The following WASF2 variants were observed in gnomAD, a reference collection of about 807,000 sequenced individuals.
WASF2 encodes the protein WASP family member 2.
WASF2 carries 14 observed loss-of-function variants against 45.0 expected under a neutral mutation model. The observed-to-expected ratio is 0.31, with a 90% confidence interval of 0.21 to 0.49. The LOEUF (loss-of-function observed/expected upper bound fraction) is 0.49. WASF2 is among the 20% of genes least tolerant of loss of function. WASF2 has a pLI of 0.99. For missense variants in WASF2, 439 were observed against 636.1 expected, an observed-to-expected ratio of 0.69 and a Z score of 3.33; for synonymous variants, 200 against 236.3, an observed-to-expected ratio of 0.85 and a Z score of 1.41.
At chr1:27,465,528 T>A (rs1421143737) in intron 1 of WASF2, among the ~76,000 whole-genome samples, 1 of 152,118 alleles carries the variant, frequency 6.6e-6, no homozygotes, top group East Asian at 1.9e-4. Flanking sequence ...TTAGCCCAAA[T>A]TAATGAGGTT....
In WASF2 at chr1:27,472,238, T is replaced by C. The variant is rs1480894647; in HGVS notation, c.-44+17748A>G. 2.7e-5 allele frequency among the ~76,000 whole-genome samples: 4 copies of C among 150,444 alleles called. No individual in the cohort carries two copies. The East Asian group carries it at 7.8e-4, about 29-fold the overall frequency. ...CCCATCTACTCGAGAGGCAGGAGAA[T>C]TGCTTCAGCCCAGGAGACTGATGTG... On this transcript the variant is annotated intron_variant, in intron 1 of 8. Transcript: ENST00000618852.
intron 1 of WASF2, among the ~76,000 whole-genome samples, chr1:27,442,977 C>G (rs1284060119): frequency 1.6e-5 from 2 of 122,460 alleles, no homozygotes; most frequent in African/African-American, 6.4e-5. Context: ...GGAAACAGAG[C>G]GAGACTCTGT....
chr1:27,414,969 A>G lies in WASF2; in HGVS notation c.538-6T>C, dbSNP rs370707998. On this transcript the variant is annotated splice_region_variant and splice_polypyrimidine_tract_variant and intron_variant, in intron 5 of 8. Coordinates refer to ENST00000618852, the MANE Select transcript of WASF2 (RefSeq NM_006990.5). This position sits in a 1 kb window ranked among gnomAD's most constrained non-coding sequence, Gnocchi z 4.1. ...GGATTATCTTTCTTTTCTTTCTATAATGAAAAGGAACAGGAAGGTCTTTGT... is the reference window on the plus strand; with the variant it reads ...GGATTATCTTTCTTTTCTTTCTATAGTGAAAAGGAACAGGAAGGTCTTTGT... 4.5e-5 allele frequency: 73 copies of G among 1,613,820 alleles called. No individual in the cohort carries two copies. The highest frequency in any genetic ancestry group is 6.1e-5 in the Non-Finnish European group (72 of 1,179,930).
chr1:27,439,793 G>A (rs2017183412), intron 1 of WASF2, among the ~76,000 whole-genome samples: 1 of 151,652 alleles, frequency 6.6e-6, no homozygotes, highest in African/African-American at 2.4e-5. Context: ...CAGCCTAGGA[G>A]GTCAAGATTA....
chr1:27,445,256 A>G (rs2017296199), intron 1 of WASF2, among the ~76,000 whole-genome samples: 1 of 152,182 alleles, frequency 6.6e-6, no homozygotes, highest in South Asian at 2.1e-4. Flanking sequence ...CAAGGTAAGT[A>G]GTAATATTTT....
chr1:27,475,468 A>G (rs2017753379), intron 1 of WASF2, among the ~76,000 whole-genome samples: 1 of 151,988 alleles, frequency 6.6e-6, no homozygotes, highest in Non-Finnish European at 1.5e-5. Flanking sequence ...TCGTTTCTCT[A>G]TTTCAATGGT....
intron 1 of WASF2, among the ~76,000 whole-genome samples, chr1:27,481,725 AAAAAAAG>A (rs544974549): frequency 6.6e-5 from 10 of 152,232 alleles, no homozygotes; most frequent in South Asian, 6.2e-4. Flanking sequence ...CTCCATCTCA[AAAAAAAG>A]AAAAAAGAAA....
chr1:27,470,603 G>C (rs918999615), intron 1 of WASF2, among the ~76,000 whole-genome samples: 3 of 149,026 alleles, frequency 2.0e-5, no homozygotes, highest in Non-Finnish European at 4.4e-5. Context: ...ATGACTGACT[G>C]ACTGAATAAA....
chr1:27,459,625 T>C (rs1270187914), intron 1 of WASF2: 2 of 152,172 alleles, frequency 1.3e-5, no homozygotes, highest in Non-Finnish European at 2.9e-5. Context: ...ACTATAAAAG[T>C]ACATCTCATA....
Position 27,419,085 on chromosome 1 carries a change from T to C in WASF2, c.134A>G (p.Lys45Arg), listed in dbSNP as rs201017451. 7.4e-6 allele frequency: 12 copies of C among 1,613,488 alleles called. No homozygotes were observed. Among genetic ancestry groups the C allele is most frequent in the Non-Finnish European group, 1.0e-5 (12 of 1,179,580 alleles). ...NVIRQLGSLS[K>R]YAEDIFGELF... ...CTCTCCAAAAATGTCCTCTGCATAT[T>C]TACCTGGAAAGAGCAAAGAAACCAA... Residue 45 changes from lysine to arginine, a missense_variant, in exon 3 of 9, where the codon AAA (lysine) becomes AGA (arginine). Lys to Arg is a conservative substitution (Grantham distance 26, BLOSUM62 2). Coordinates refer to ENST00000618852, the MANE Select transcript of WASF2 (RefSeq NM_006990.5).
In WASF2 at chr1:27,412,077, G is replaced by A. The variant is rs185438050; in HGVS notation, c.824+495C>T. Among the ~76,000 whole-genome samples the A allele has an allele frequency of 3.4e-3, 512 of 152,274 alleles. 3 individuals carry two copies. Among genetic ancestry groups the A allele is most frequent in the Non-Finnish European group, 3.6e-3 (242 of 68,022 alleles). ...CTCAGTTTACTCATTGTAACATGGG[G>A]ATAGTAACAGTGCCTACCTCAAAAG... On this transcript the variant is annotated intron_variant, in intron 7 of 8. Transcript: ENST00000618852.
chr1:27,471,850 C>A (rs1390022552), intron 1 of WASF2, among the ~76,000 whole-genome samples: 1 of 152,128 alleles, frequency 6.6e-6, no homozygotes, highest in African/African-American at 2.4e-5. Flanking sequence ...CATCAACAAG[C>A]CTTATCAGCT....
Position 27,419,408 on chromosome 1 carries a change from T to C in WASF2, c.131-320A>G, listed in dbSNP as rs148133841. On this transcript the variant is annotated intron_variant, in intron 2 of 8. Transcript: ENST00000618852. ...AGCCTGGAAGAAAAGATAATATTTC[T>C]ACACATTTCCAGCCTGGGCAACATG... Among the ~76,000 whole-genome samples, 60 of 152,312 alleles carry C rather than the reference T, an allele frequency of 3.9e-4. No homozygotes were observed. The East Asian group carries it at 7.1e-3, about 18-fold the overall frequency.
intron 1 of WASF2, among the ~76,000 whole-genome samples, chr1:27,451,052 G>GA (rs939560148): frequency 1.9e-3 from 275 of 143,186 alleles, no homozygotes; most frequent in African/African-American, 4.3e-3. Context: ...CTCTTAAAAA[G>GA]AAAAAAAAAA....
intron 6 of WASF2, among the ~76,000 whole-genome samples, chr1:27,413,145 GATTTTGAGGTCAGCA>G (rs2016786346): frequency 6.6e-6 from 1 of 152,206 alleles, no homozygotes; most frequent in Admixed American, 6.5e-5. Flanking sequence ...CACACAGACT[GATTTTGAGGTCAGCA>G]AGCCTCTGGA....
In WASF2 at chr1:27,412,388, A is replaced by T. The variant is rs1360549734; in HGVS notation, c.824+184T>A. Reference sequence around the variant, plus strand: ...TGCTTGGCTAATTTTTTTGATTTTTAGTAGGGATGAAGTCTTGCTATGTTA... The same window carrying T: ...TGCTTGGCTAATTTTTTTGATTTTTTGTAGGGATGAAGTCTTGCTATGTTA... On this transcript the variant is annotated intron_variant, in intron 7 of 8. Coordinates refer to ENST00000618852, the MANE Select transcript of WASF2 (RefSeq NM_006990.5). Among the ~76,000 whole-genome samples, 3 of 151,986 alleles carry T rather than the reference A, an allele frequency of 2.0e-5. No homozygotes were observed. In the East Asian group the frequency reaches 5.8e-4, roughly 29 times the overall value.
intron 1 of WASF2, among the ~76,000 whole-genome samples, chr1:27,484,502 T>C (rs1288650256): frequency 6.6e-6 from 1 of 152,198 alleles, no homozygotes; most frequent in East Asian, 1.9e-4. Flanking sequence ...TGACAGTTTT[T>C]ACCTCATTCT....
At chr1:27,413,211 C>T (rs2016787955) in intron 6 of WASF2, among the ~76,000 whole-genome samples, 1 of 152,144 alleles carries the variant, frequency 6.6e-6, no homozygotes, top group Non-Finnish European at 1.5e-5. Context: ...CAAAATCAAG[C>T]TGAGGATGAA....
chr1:27,414,983 G>C lies in WASF2; in HGVS notation c.538-20C>G. ...TTCTTTCTATAATGAAAAGGAACAG[G>C]AAGGTCTTTGTAGAACATTTTCCAA... On this transcript the variant is annotated intron_variant, in intron 5 of 8. Coordinates refer to ENST00000618852, the MANE Select transcript of WASF2 (RefSeq NM_006990.5). This position sits in a 1 kb window ranked among gnomAD's most constrained non-coding sequence, Gnocchi z 4.1. The C allele has an allele frequency of 6.2e-7, 1 of 1,613,194 alleles. No homozygotes were observed. Among genetic ancestry groups the C allele is most frequent in the Non-Finnish European group, 8.5e-7 (1 of 1,179,554 alleles).
Sources: gnomAD v4.1 joint callset for allele counts (sites outside exome capture counted in the v4.1 genomes callset) on GRCh38, gnomAD v4.1.1 for gene constraint, Gnocchi (gnomAD v3.1) non-coding constraint, MANE v1.5 for transcripts, NCBI Gene and HGNC (gene_info 2026-07-23, HGNC 2026-07-21) for gene names.